The following ZNHIT6 variants were observed in gnomAD, a reference collection of about 807,000 sequenced individuals.
ZNHIT6 encodes the protein zinc finger HIT-type containing 6, also known as box C/D snoRNA protein 1.
Under a neutral mutation model 57.2 loss-of-function variants are expected in ZNHIT6, and 45 were observed. The ratio of observed to expected loss-of-function variants is 0.79; its 90% CI spans 0.62 to 1.01. The LOEUF (loss-of-function observed/expected upper bound fraction) is 1.01. Among genes scored for constraint, ZNHIT6 ranks in the 50% least tolerant of loss-of-function variants. The pLI is 0.00. For synonymous variants in ZNHIT6, 188 were observed against 190.0 expected (o/e 0.99, Z 0.09); for missense variants, 528 against 567.3 (o/e 0.93, Z 0.70).
At chr1:85,667,668 C>A (rs1393727798) in intron 8 of ZNHIT6, among the ~76,000 whole-genome samples, 2 of 147,438 alleles carry the variant, frequency 1.4e-5, no homozygotes, top group African/African-American at 5.0e-5. Context: ...TGTGGTGGCT[C>A]ACACCTGTAA....
intron 6 of ZNHIT6, among the ~76,000 whole-genome samples, chr1:85,679,681 T>C (rs1322924930): frequency 6.6e-6 from 1 of 151,460 alleles, no homozygotes; most frequent in African/African-American, 2.4e-5. Flanking sequence ...GCCTCCTGCA[T>C]TTAAGCTATT....
chr1:85,708,330 GGCT>G lies in ZNHIT6; in HGVS notation c.-49_-47del. ...CTGCTGCCACTCTATCCTTCAATGT[GGCT>G]GCTGCACACCAATAGGAGGAATTAC... is the stretch of plus-strand genomic sequence containing the variant. On this transcript the variant is annotated 5_prime_UTR_variant, in exon 1 of 10. Transcript: ENST00000370574. 1.9e-6 allele frequency: 3 copies of G among 1,546,930 alleles called. No individual in the cohort carries two copies. The highest frequency in any genetic ancestry group is 2.6e-6 in the Non-Finnish European group (3 of 1,147,162).
intron 8 of ZNHIT6, among the ~76,000 whole-genome samples, chr1:85,668,966 A>C (rs1661466801): frequency 6.6e-6 from 1 of 151,514 alleles, no homozygotes; most frequent in Non-Finnish European, 1.5e-5. Context: ...TATCATGGTC[A>C]CCCTTGGGAG....
At chr1:85,697,262 A>T (rs1197586200) in intron 5 of ZNHIT6, among the ~76,000 whole-genome samples, 2 of 152,140 alleles carry the variant, frequency 1.3e-5, no homozygotes. Context: ...TATATGTTAA[A>T]GACTTTTTTG....
At chr1:85,687,170 C>G (rs929438675) in intron 5 of ZNHIT6, among the ~76,000 whole-genome samples, 1 of 151,246 alleles carries the variant, frequency 6.6e-6, no homozygotes, top group African/African-American at 2.4e-5. Flanking sequence ...GTCCTAGCTA[C>G]TCAGCAGGCT....
chr1:85,684,925 T>C (rs1325926612), intron 5 of ZNHIT6, among the ~76,000 whole-genome samples: 1 of 152,234 alleles, frequency 6.6e-6, no homozygotes, highest in Non-Finnish European at 1.5e-5. Context: ...TAAATGGCAC[T>C]GCTCTAATGT....
intron 5 of ZNHIT6, among the ~76,000 whole-genome samples, chr1:85,687,641 C>G (rs1467234537): frequency 6.6e-6 from 1 of 152,052 alleles, no homozygotes; most frequent in Non-Finnish European, 1.5e-5. Context: ...AACTTTTTAG[C>G]CCTTGTTTAT....
chr1:85,674,940 T>C (rs1031972347), intron 8 of ZNHIT6, among the ~76,000 whole-genome samples: 3 of 152,138 alleles, frequency 2.0e-5, no homozygotes, highest in Admixed American at 1.3e-4. Context: ...AAATTTATAG[T>C]ATAGGACACA....
chr1:85,686,337 GA>G (rs1208204664), intron 5 of ZNHIT6, among the ~76,000 whole-genome samples: 2 of 151,248 alleles, frequency 1.3e-5, no homozygotes, highest in African/African-American at 4.8e-5. Flanking sequence ...CCCCCTTTGA[GA>G]AAAAAAATAT....
intron 1 of ZNHIT6, 73 bp downstream of exon 1, chr1:85,707,556 G>A (rs1183364525): frequency 2.1e-6 from 3 of 1,433,406 alleles, no homozygotes; most frequent in Admixed American, 2.4e-5. Context: ...TCTCCTGATA[G>A]TGTGGTTTCC....
chr1:85,681,382 T>A (rs755543912), intron 5 of ZNHIT6, among the ~76,000 whole-genome samples: 5 of 152,246 alleles, frequency 3.3e-5, no homozygotes, highest in Non-Finnish European at 5.9e-5. Flanking sequence ...ACAGTCTTTT[T>A]GCTTTCAGGT....
chr1:85,662,350 T>G (rs1661249493), intron 8 of ZNHIT6, among the ~76,000 whole-genome samples: 1 of 152,070 alleles, frequency 6.6e-6, no homozygotes, highest in African/African-American at 2.4e-5. Context: ...GGCCACAGTA[T>G]TTTTCCACTA....
At chr1:85,680,629 T>C (rs1040743771) in intron 6 of ZNHIT6, among the ~76,000 whole-genome samples, 2 of 152,224 alleles carry the variant, frequency 1.3e-5, no homozygotes, top group African/African-American at 4.8e-5. Flanking sequence ...CATTCTTCCT[T>C]AACTTGCTTT....
rs749259795 is a variant in ZNHIT6 at position 85,706,338 on chromosome 1, T to C, written c.740A>G (p.Lys247Arg). 7.4e-6 allele frequency: 12 copies of C among 1,613,858 alleles called. No homozygotes were observed. The Admixed American group carries it at 2.0e-4, about 27-fold the overall frequency. Residue 247 changes from lysine to arginine, a missense_variant, in exon 3 of 10, where the codon AAA (lysine) becomes AGA (arginine). Coordinates refer to ENST00000370574, the MANE Select transcript of ZNHIT6 (RefSeq NM_017953.4). The stretch of plus-strand genomic sequence containing the variant: ...ATTACATGTCAGTTCTGCTTTGTGT[T>C]TCTTTACACAGGGCAAACTGAAAAG... Reference protein sequence around the residue: ...RYSCSLPCVKKHKAELTCNGV... With the variant: ...RYSCSLPCVKRHKAELTCNGV...
At chr1:85,683,125 G>A (rs1186833071) in intron 5 of ZNHIT6, among the ~76,000 whole-genome samples, 2 of 152,222 alleles carry the variant, frequency 1.3e-5, no homozygotes, top group Non-Finnish European at 2.9e-5. Context: ...GTTGAAGTGG[G>A]AGAATCACCT....
intron 5 of ZNHIT6, among the ~76,000 whole-genome samples, chr1:85,687,371 G>A (rs1460842589): frequency 7.1e-6 from 1 of 141,532 alleles, no homozygotes; most frequent in Non-Finnish European, 1.5e-5. Context: ...TCTTTAAACA[G>A]AGTATTTTGC....
chr1:85,690,965 G>A (rs1662198351), intron 5 of ZNHIT6, among the ~76,000 whole-genome samples: 1 of 152,184 alleles, frequency 6.6e-6, no homozygotes, highest in African/African-American at 2.4e-5. Flanking sequence ...GGTGGAGGGT[G>A]CAGTGAGCCG....
chr1:85,678,578 C>T lies in ZNHIT6; in HGVS notation c.1169+123G>A, dbSNP rs1661772250. 4.5e-6 allele frequency: 3 copies of T among 659,746 alleles called. No individual in the cohort carries two copies. In the South Asian group the frequency reaches 6.0e-5, roughly 13 times the overall value. 40.9% of individuals were successfully genotyped at this position (659,746 alleles called of 1,614,324 possible). A position where few individuals can be genotyped will look rare whatever the true frequency, so the allele number is the denominator to read the frequency against. ...TCTACAGACAGACCTTCAGTAAACA[C>T]CAAGAAAATGTGATAGAAAGTAAAT... On this transcript the variant is annotated intron_variant, in intron 7 of 9. Coordinates refer to ENST00000370574, the MANE Select transcript of ZNHIT6 (RefSeq NM_017953.4).
rs1311057718 is a variant in ZNHIT6, at chr1:85,652,245, C to T, written c.*1813G>A. 1 of 152,198 alleles carries T rather than the reference C, an allele frequency of 6.6e-6. No homozygotes were observed. Among genetic ancestry groups the T allele is most frequent in the Non-Finnish European group, 1.5e-5 (1 of 68,024 alleles). 9.4% of individuals were successfully genotyped at this position (152,198 alleles called of 1,614,324 possible). A position where few individuals can be genotyped will look rare whatever the true frequency, so the allele number is the denominator to read the frequency against. On this transcript the variant is annotated 3_prime_UTR_variant, in exon 10 of 10. Coordinates refer to ENST00000370574, the MANE Select transcript of ZNHIT6 (RefSeq NM_017953.4). ...TCATATTCAGATCATATTCAGATCG[C>T]AAGTTCTTTTTGTATACGTTATCCC...
Sources: gnomAD v4.1 joint callset for allele counts (sites outside exome capture counted in the v4.1 genomes callset) on GRCh38, gnomAD v4.1.1 for gene constraint, MANE v1.5 for transcripts, NCBI Gene and HGNC (gene_info 2026-07-23, HGNC 2026-07-21) for gene names.